TPRG1: variants seen among roughly 807,000 people sequenced by gnomAD.
TPRG1 encodes the protein tumor protein p63 regulated 1, also known as tumor protein p63-regulated gene 1 protein.
TPRG1 carries 29 observed loss-of-function variants against 29.3 expected under a neutral mutation model. That is an observed-to-expected ratio of 0.99 (90% confidence interval 0.74 to 1.35). The LOEUF (loss-of-function observed/expected upper bound fraction) is 1.35, where lower values mean the gene tolerates loss of function less well. Ranked by LOEUF, TPRG1 falls within the 40% of genes most tolerant of loss-of-function variation. The pLI, the probability that TPRG1 is intolerant of heterozygous loss-of-function variation, is 0.00. For synonymous variants in TPRG1, 130 were observed against 116.8 expected, an observed-to-expected ratio of 1.11 and a Z score of -0.73; for missense variants, 327 against 335.0, an observed-to-expected ratio of 0.98 and a Z score of 0.19.
chr3:189,270,882 C>T (rs1715010488), intron 4 of TPRG1, among the ~76,000 whole-genome samples: 1 of 152,018 alleles, frequency 6.6e-6, no homozygotes, highest in Non-Finnish European at 1.5e-5. Context: ...TACCATGAGA[C>T]TACTCAAAAT....
At chr3:189,108,986 T>C (rs1720155726) in intron 1 of TPRG1, among the ~76,000 whole-genome samples, 1 of 152,114 alleles carries the variant, frequency 6.6e-6, no homozygotes, top group Non-Finnish European at 1.5e-5. Flanking sequence ...AGCCTGCTTG[T>C]CTTTCTGACA....
At chr3:189,059,107 G>A (rs960359647) in intron 4 of TPRG1, among the ~76,000 whole-genome samples, 5 of 152,216 alleles carry the variant, frequency 3.3e-5, no homozygotes, top group South Asian at 2.1e-4. Context: ...TTACCCTAGC[G>A]AGCCTCAGTT....
At chr3:189,099,152 T>A (rs1031389936), upstream of TPRG1, among the ~76,000 whole-genome samples, 13 of 151,956 alleles carry the variant, frequency 8.6e-5, no homozygotes, top group African/African-American at 2.7e-4. Flanking sequence ...ACACCACACT[T>A]GGTCAGCTCC....
chr3:189,245,935 A>G (rs907155213), intron 4 of TPRG1, among the ~76,000 whole-genome samples: 3 of 152,056 alleles, frequency 2.0e-5, no homozygotes, highest in African/African-American at 7.2e-5. Flanking sequence ...GCAAAATTCT[A>G]TGTTATAAAG....
At chr3:189,111,051 C>CT (rs1327928651) in intron 1 of TPRG1, among the ~76,000 whole-genome samples, 2 of 151,586 alleles carry the variant, frequency 1.3e-5, no homozygotes, top group Admixed American at 6.6e-5. Flanking sequence ...TCCAGCTATT[C>CT]TTTTTTCTCT....
intron 4 of TPRG1, among the ~76,000 whole-genome samples, chr3:189,047,242 T>C (rs1715035179): frequency 6.6e-6 from 1 of 152,188 alleles, no homozygotes; most frequent in African/African-American, 2.4e-5. Flanking sequence ...TCTAAAGCAA[T>C]ATCACAATAA....
chr3:189,078,055 CCT>C (rs1717306313), intron 4 of TPRG1, among the ~76,000 whole-genome samples: 14 of 143,046 alleles, frequency 9.8e-5, no homozygotes, highest in African/African-American at 3.4e-4. Flanking sequence ...TTCCTTCCTT[CCT>C]TCCTTTCTCT....
At chr3:189,202,815 C>G (rs1177130331) in intron 1 of TPRG1, among the ~76,000 whole-genome samples, 1 of 152,140 alleles carries the variant, frequency 6.6e-6, no homozygotes, top group Non-Finnish European at 1.5e-5. Flanking sequence ...GGGATTGGTC[C>G]TGCTTCATGG....
At chr3:189,317,240 G>C (rs1364199678) in intron 5 of TPRG1, among the ~76,000 whole-genome samples, 1 of 152,140 alleles carries the variant, frequency 6.6e-6, no homozygotes, top group Non-Finnish European at 1.5e-5. Context: ...TGTTGCAATA[G>C]AATTGTTGAG....
chr3:189,052,912 A>G (rs770218689), intron 4 of TPRG1, among the ~76,000 whole-genome samples: 20 of 152,286 alleles, frequency 1.3e-4, no homozygotes, highest in Middle Eastern at 3.4e-3. Flanking sequence ...GAATGATACA[A>G]TGGACTTTGG....
chr3:189,269,095 TTTTTTTTC>T (rs994683681), intron 4 of TPRG1, among the ~76,000 whole-genome samples: 13 of 151,990 alleles, frequency 8.6e-5, no homozygotes, highest in African/African-American at 3.1e-4. Context: ...CCTGAGGTTT[TTTTTTTTC>T]TTTTTTTCTT....
At chr3:189,191,464 G>A (rs1419084886) in intron 1 of TPRG1, among the ~76,000 whole-genome samples, 1 of 152,074 alleles carries the variant, frequency 6.6e-6, no homozygotes, top group Non-Finnish European at 1.5e-5. Context: ...CCTGGATGGA[G>A]CTCTCTGGAT....
intron 4 of TPRG1, among the ~76,000 whole-genome samples, chr3:189,026,265 G>A (rs1713656434): frequency 6.6e-6 from 1 of 152,198 alleles, no homozygotes; most frequent in South Asian, 2.1e-4. Context: ...GAGAGAGACA[G>A]TGAGAAAACG....
intron 1 of TPRG1, among the ~76,000 whole-genome samples, chr3:189,185,669 A>G (rs958251082): frequency 7.2e-5 from 11 of 152,226 alleles, no homozygotes; most frequent in Non-Finnish European, 1.6e-4. Context: ...CCAGTGAGCC[A>G]GAGATAATAT....
At chr3:189,019,490 CAT>C (rs1713164606) in intron 3 of TPRG1, among the ~76,000 whole-genome samples, 1 of 152,170 alleles carries the variant, frequency 6.6e-6, no homozygotes, top group African/African-American at 2.4e-5. Context: ...TTGAGATAAT[CAT>C]ATGGTTTTTG....
chr3:189,166,267 C>T (rs1356787625), intron 5 of TPRG1, among the ~76,000 whole-genome samples: 32 of 152,206 alleles, frequency 2.1e-4, no homozygotes, highest in Admixed American at 2.1e-3. Flanking sequence ...ATGGTCCAAA[C>T]TCAAGTTTTT....
At chr3:189,059,300 G>A (rs907306608) in intron 4 of TPRG1, among the ~76,000 whole-genome samples, 3 of 152,106 alleles carry the variant, frequency 2.0e-5, no homozygotes, top group Non-Finnish European at 2.9e-5. Context: ...CTTAGAAAAA[G>A]TCTGTGAGAA....
At chr3:189,103,325 A>G (rs1458442159) in intron 1 of TPRG1, among the ~76,000 whole-genome samples, 1 of 152,202 alleles carries the variant, frequency 6.6e-6, no homozygotes, top group Non-Finnish European at 1.5e-5. Flanking sequence ...CCTTTTGCAG[A>G]AAATGTTTGC....
chr3:189,274,850 G>T (rs946673285), intron 4 of TPRG1, among the ~76,000 whole-genome samples: 1 of 151,322 alleles, frequency 6.6e-6, no homozygotes, highest in African/African-American at 2.4e-5. Flanking sequence ...ATTGAATTTT[G>T]ACCTGTGCTT....
Sources: allele counts gnomAD v4.1 joint callset (sites outside exome capture counted in the v4.1 genomes callset), GRCh38; gene constraint gnomAD v4.1.1; transcripts MANE v1.5; gene names NCBI Gene and HGNC (gene_info 2026-07-23, HGNC 2026-07-21).